The following GPC5 variants were observed in gnomAD, a reference collection of about 807,000 sequenced individuals.
GPC5 encodes the protein glypican 5.
GPC5 carries 47 observed loss-of-function variants against 53.9 expected under a neutral mutation model. The ratio of observed to expected loss-of-function variants is 0.87; its 90% CI spans 0.69 to 1.11. The LOEUF (loss-of-function observed/expected upper bound fraction) is 1.11. Ranked by LOEUF, GPC5 falls within the 50% of genes most tolerant of loss-of-function variation. The pLI, the probability that GPC5 is intolerant of heterozygous loss-of-function variation, is 0.00. For missense variants in GPC5, 748 were observed against 713.1 expected (o/e 1.05, Z -0.56); for synonymous variants, 286 against 263.3 (o/e 1.09, Z -0.84).
At chr13:92,130,942 TA>T (rs907766652) in intron 6 of GPC5, among the ~76,000 whole-genome samples, 1 of 151,654 alleles carries the variant, frequency 6.6e-6, no homozygotes, top group Admixed American at 6.6e-5. Flanking sequence ...AAAAAGATAG[TA>T]AAAAAACAGA....
intron 7 of GPC5, among the ~76,000 whole-genome samples, chr13:92,623,420 G>A (rs763013812): frequency 6.6e-6 from 1 of 152,158 alleles, no homozygotes; most frequent in Non-Finnish European, 1.5e-5. Context: ...GAAGTCTCTC[G>A]CCCTACAGTA....
chr13:91,878,590 T>C (rs2039230031), intron 5 of GPC5, among the ~76,000 whole-genome samples: 2 of 152,020 alleles, frequency 1.3e-5, no homozygotes, highest in South Asian at 4.2e-4. Flanking sequence ...TGGTGGGAGG[T>C]AATTGAATCA....
At chr13:91,604,706 A>G (rs919558580) in intron 2 of GPC5, among the ~76,000 whole-genome samples, 4 of 127,734 alleles carry the variant, frequency 3.1e-5, no homozygotes, top group Admixed American at 2.4e-4. Flanking sequence ...ATGGCCAGTG[A>G]TGATGAGCAT....
intron 7 of GPC5, among the ~76,000 whole-genome samples, chr13:92,276,336 T>C (rs1378044462): frequency 6.6e-6 from 1 of 152,176 alleles, no homozygotes; most frequent in Non-Finnish European, 1.5e-5. Flanking sequence ...TTTCTCAGAA[T>C]GGTTTGTTTT....
intron 6 of GPC5, among the ~76,000 whole-genome samples, chr13:92,004,457 A>ATT (rs1566389108): frequency 2.3e-4 from 7 of 30,260 alleles, no homozygotes; most frequent in African/African-American, 6.6e-4. Flanking sequence ...AAAAAAAAAA[A>ATT]TTATATATAT....
intron 7 of GPC5, among the ~76,000 whole-genome samples, chr13:92,192,114 A>T (rs1291827482): frequency 6.6e-6 from 1 of 152,128 alleles, no homozygotes; most frequent in Non-Finnish European, 1.5e-5. Flanking sequence ...GAGGACAAAT[A>T]ATTTTTAAGG....
At chr13:91,466,958 A>G (rs1056337577) in intron 2 of GPC5, among the ~76,000 whole-genome samples, 1 of 152,160 alleles carries the variant, frequency 6.6e-6, no homozygotes, top group Non-Finnish European at 1.5e-5. Context: ...ATTTTCAGGC[A>G]GTCCCCGCTT....
At chr13:91,830,421 G>C (rs2150908) in intron 5 of GPC5, among the ~76,000 whole-genome samples, 91,808 of 151,518 alleles carry the variant, frequency 0.61, 28,320 homozygotes, top group East Asian at 0.95. Flanking sequence ...TCACAGGGTC[G>C]TGAGGCAACA....
At chr13:91,399,363 C>T (rs1367646166) in intron 1 of GPC5, among the ~76,000 whole-genome samples, 154 bp downstream of exon 1, 1 of 152,138 alleles carries the variant, frequency 6.6e-6, no homozygotes, top group Admixed American at 6.5e-5. Context: ...ATGCTTGGTG[C>T]GGGTAGCCTG....
At chr13:92,262,419 G>A (rs1359880342) in intron 7 of GPC5, among the ~76,000 whole-genome samples, 1 of 152,172 alleles carries the variant, frequency 6.6e-6, no homozygotes, top group Non-Finnish European at 1.5e-5. Context: ...TGATATTAAT[G>A]TTGGGTTAAG....
chr13:92,027,233 T>G (rs148913020), intron 6 of GPC5, among the ~76,000 whole-genome samples: 1 of 152,308 alleles, frequency 6.6e-6, no homozygotes, highest in East Asian at 1.9e-4. Flanking sequence ...AAAATACTTT[T>G]GGTGGTTTTA....
rs398023955 is a variant in GPC5 at position 92,257,546 on chromosome 13, A to ATTTTTTTTTTTTTTTTTTTTTTTTTTTT, written c.1561+112578_1561+112579insTTTTTTTTTTTTTTTTTTTTTTTTTTTT. On this transcript the variant is annotated intron_variant, in intron 7 of 7. Coordinates refer to ENST00000377067, the MANE Select transcript of GPC5 (RefSeq NM_004466.6). The stretch of plus-strand genomic sequence containing the variant: ...AGTGAGAGAGGTTTCTAATACAGGG[A>ATTTTTTTTTTTTTTTTTTTTTTTTTTTT]TTTTTTTTTTTTTTTTTTTTTGGGG... Among the ~76,000 whole-genome samples the ATTTTTTTTTTTTTTTTTTTTTTTTTTTT allele has an allele frequency of 3.3e-4, 24 of 72,948 alleles. 9 individuals carry two copies. The highest frequency in any genetic ancestry group is 1.3e-3 in the African/African-American group (17 of 12,946). 47.9% of individuals were successfully genotyped at this position (72,948 alleles called of 152,430 possible).
At chr13:92,752,882 TCAAACTG>T (rs1365709594) in intron 7 of GPC5, among the ~76,000 whole-genome samples, 6 of 151,816 alleles carry the variant, frequency 4.0e-5, no homozygotes, top group Admixed American at 3.9e-4. Context: ...CAGTCTGAGA[TCAAACTG>T]CAAGGCGGCA....
intron 7 of GPC5, among the ~76,000 whole-genome samples, chr13:92,209,847 A>T (rs1433220081): frequency 2.0e-5 from 3 of 152,146 alleles, no homozygotes; most frequent in African/African-American, 7.2e-5. Context: ...CACGATTACA[A>T]GGTGAGGTCC....
At chr13:92,292,345 C>A (rs2043002657) in intron 7 of GPC5, among the ~76,000 whole-genome samples, 1 of 152,058 alleles carries the variant, frequency 6.6e-6, no homozygotes, top group Non-Finnish European at 1.5e-5. Flanking sequence ...ATGCCACCAT[C>A]TATTATTCTT....
At chr13:91,601,499 A>G (rs191861461) in intron 2 of GPC5, among the ~76,000 whole-genome samples, 119 of 152,286 alleles carry the variant, frequency 7.8e-4, no homozygotes, top group South Asian at 1.9e-3. Flanking sequence ...ACCGGGCCAC[A>G]TAGTAAGAGA....
intron 7 of GPC5, among the ~76,000 whole-genome samples, chr13:92,591,317 G>A (rs570655936): frequency 4.6e-5 from 7 of 152,196 alleles, no homozygotes; most frequent in African/African-American, 1.2e-4. Context: ...ATTAGGGAAC[G>A]TGGACCTTGG....
intron 2 of GPC5, among the ~76,000 whole-genome samples, chr13:91,675,291 C>G (rs2035356243): frequency 6.6e-6 from 1 of 152,132 alleles, no homozygotes; most frequent in Admixed American, 6.6e-5. Flanking sequence ...TAATATATAT[C>G]TTTGACAAAT....
intron 6 of GPC5, among the ~76,000 whole-genome samples, chr13:92,031,725 TATATTAC>T (rs1443843755): frequency 6.0e-5 from 5 of 83,148 alleles, no homozygotes; most frequent in African/African-American, 9.6e-5. Flanking sequence ...ATATATGTAA[TATATTAC>T]ATATTATATA....
Sources: allele counts gnomAD v4.1 joint callset (sites outside exome capture counted in the v4.1 genomes callset), GRCh38; gene constraint gnomAD v4.1.1; transcripts MANE v1.5; gene names NCBI Gene and HGNC (gene_info 2026-07-23, HGNC 2026-07-21).